The following RFTN1 variants were observed in gnomAD, a reference collection of about 807,000 sequenced individuals.
RFTN1 encodes raftlin, lipid raft linker 1.
RFTN1 carries 26 observed loss-of-function variants against 46.5 expected under a neutral mutation model. The observed-to-expected ratio is 0.56, with a 90% CI of 0.41 to 0.78. The LOEUF (loss-of-function observed/expected upper bound fraction) is 0.78. Among genes scored for constraint, RFTN1 ranks in the 30% least tolerant of loss-of-function variants. The pLI is 0.00. For missense variants in RFTN1, 693 were observed against 718.7 expected, an observed-to-expected ratio of 0.96 and a Z score of 0.41; for synonymous variants, 261 against 284.2, an observed-to-expected ratio of 0.92 and a Z score of 0.82.
Position 16,482,651 on chromosome 3 carries a change from CA to C in RFTN1, c.145+11073del, listed in dbSNP as rs991657031. The stretch of plus-strand genomic sequence containing the variant: ...AGCCTTGTTTCCTCATTTGTAAAAT[CA>C]AGATCTCTATAAGGATTAATTGACA... On this transcript the variant is annotated intron_variant, in intron 2 of 9. Transcript: ENST00000334133. 1.1e-5 allele frequency: 12 copies of C among 1,085,438 alleles called. No homozygotes were observed. The African/African-American group carries it at 1.6e-4, about 14-fold the overall frequency. 67.2% of individuals were successfully genotyped at this position (1,085,438 alleles called of 1,614,324 possible).
intron 2 of RFTN1, among the ~76,000 whole-genome samples, chr3:16,469,816 GA>G (rs540613156): frequency 1.2e-3 from 182 of 152,338 alleles, no homozygotes; most frequent in African/African-American, 4.2e-3. Context: ...CCCAGGGGAA[GA>G]TAGGACAAAC....
intron 4 of RFTN1, among the ~76,000 whole-genome samples, chr3:16,391,875 T>TTTTG (rs2074353374): frequency 9.1e-5 from 2 of 22,094 alleles, no homozygotes; most frequent in South Asian, 7.5e-4. Flanking sequence ...TTTTGTTTTT[T>TTTTG]TTTTTTGTTT....
intron 6 of RFTN1, 33 bp from the exon 7 acceptor site, chr3:16,358,080 G>GT (rs1307630272): frequency 9.0e-7 from 1 of 1,111,876 alleles, no homozygotes; most frequent in Non-Finnish European, 1.4e-6. Flanking sequence ...GGGTGGGGGG[G>GT]GTCTGTAAAC....
In RFTN1 at chr3:16,467,587, G is replaced by A. The variant is rs530051036; in HGVS notation, c.145+26138C>T. On this transcript the variant is annotated intron_variant, in intron 2 of 9. Coordinates refer to ENST00000334133, the MANE Select transcript of RFTN1 (RefSeq NM_015150.2). The stretch of plus-strand genomic sequence containing the variant: ...AAGAGAGTGGGCAGGGCCTGAGCCC[G>A]GGGAATGCCCAGGGTTAAGGGGAAG... Among the ~76,000 whole-genome samples, 71 of 152,336 alleles carry A rather than the reference G, an allele frequency of 4.7e-4. 2 individuals carry two copies. The East Asian group carries it at 6.7e-3, about 14-fold the overall frequency.
At chr3:16,391,294 A>G (rs1404808213) in intron 4 of RFTN1, among the ~76,000 whole-genome samples, 2 of 152,246 alleles carry the variant, frequency 1.3e-5, no homozygotes, top group African/African-American at 2.4e-5. Flanking sequence ...TGCTAAATTT[A>G]TAATAATGAA....
rs2074887341 is a variant in RFTN1 at position 16,407,515 on chromosome 3, C to T, written c.441+1860G>A. 1.3e-5 allele frequency among the ~76,000 whole-genome samples: 2 copies of T among 152,156 alleles called. No individual in the cohort carries two copies. The highest frequency in any genetic ancestry group is 6.5e-5 in the Admixed American group (1 of 15,268). On this transcript the variant is annotated intron_variant, in intron 4 of 9. Transcript: ENST00000334133. This position sits in a 1 kb window ranked among gnomAD's most constrained non-coding sequence, Gnocchi z 4.0. The stretch of plus-strand genomic sequence containing the variant: ...CCTCAAATCACATGTTTTTAAAAAG[C>T]ATATTTGAGAGTGGGCAGAGCCTTA...
rs11923948 is a variant in RFTN1 at position 16,336,675 on chromosome 3, T to G, written c.1147-9799A>C. Among the ~76,000 whole-genome samples the G allele has an allele frequency of 6.6e-6, 1 of 151,660 alleles. No homozygotes were observed. The highest frequency in any genetic ancestry group is 1.5e-5 in the Non-Finnish European group (1 of 67,896). ...TTCAAAGAGAATAATTTTTTTTTTTTAAAAAAGCTTAGTTCTTAGATGCAG... is the reference window on the plus strand; with the variant it reads ...TTCAAAGAGAATAATTTTTTTTTTTGAAAAAAGCTTAGTTCTTAGATGCAG... On this transcript the variant is annotated intron_variant, in intron 7 of 9. Coordinates refer to ENST00000334133, the MANE Select transcript of RFTN1 (RefSeq NM_015150.2). The surrounding 1 kb of genome is among the most constrained non-coding windows in gnomAD (Gnocchi z 6.0).
At chr3:16,477,979 G>C (rs2076309563) in intron 2 of RFTN1, among the ~76,000 whole-genome samples, 1 of 152,168 alleles carries the variant, frequency 6.6e-6, no homozygotes, top group South Asian at 2.1e-4. Context: ...TCAAAGAAAT[G>C]ACAAAAATGG....
Position 16,387,542 on chromosome 3 carries a change from G to T in RFTN1, c.442-9440C>A, listed in dbSNP as rs1043537449. On this transcript the variant is annotated intron_variant, in intron 4 of 9. Transcript: ENST00000334133. This position sits in a 1 kb window ranked among gnomAD's most constrained non-coding sequence, Gnocchi z 5.2. ...CCCTGGAAGACCCAGCTCTACTTAG[G>T]ACCACTTCTCTCTTCTATATCCTCA... 1.2e-4 allele frequency among the ~76,000 whole-genome samples: 16 copies of T among 128,248 alleles called. No homozygotes were observed. Among genetic ancestry groups the T allele is most frequent in the African/African-American group, 5.2e-4 (16 of 30,960 alleles). 84.1% of individuals were successfully genotyped at this position (128,248 alleles called of 152,430 possible). A position where few individuals can be genotyped will look rare whatever the true frequency, so the allele number is the denominator to read the frequency against.
chr3:16,401,867 C>G (rs936533644), intron 4 of RFTN1, among the ~76,000 whole-genome samples: 1 of 152,228 alleles, frequency 6.6e-6, no homozygotes, highest in East Asian at 1.9e-4. Flanking sequence ...CATATTTCCA[C>G]CAGGCATCAG....
At chr3:16,415,428 T>TACACACACACACACACACACACACAC (rs1198664714) in intron 3 of RFTN1, among the ~76,000 whole-genome samples, 1 of 89,884 alleles carries the variant, frequency 1.1e-5, no homozygotes, top group Non-Finnish European at 2.9e-5. Context: ...TATATATATA[T>TACACACACACACACACACACACACAC]ATACACACAC....
At chr3:16,325,855 A>T (rs750444507) in intron 8 of RFTN1, among the ~76,000 whole-genome samples, 5 of 152,220 alleles carry the variant, frequency 3.3e-5, no homozygotes, top group Non-Finnish European at 5.9e-5. Flanking sequence ...CATGCTGTCC[A>T]TCACTCTGCA....
chr3:16,375,156 C>T (rs1231142424), intron 5 of RFTN1, among the ~76,000 whole-genome samples: 1 of 152,024 alleles, frequency 6.6e-6, no homozygotes, highest in East Asian at 1.9e-4. Flanking sequence ...TTAGGGGGCT[C>T]TGAGAGAAGG....
chr3:16,446,802 G>C lies in RFTN1; in HGVS notation c.146-12765C>G, dbSNP rs1468607038. The stretch of plus-strand genomic sequence containing the variant: ...TGAGTTTGGCATCTACACAGGAAAC[G>C]AGGTCATTTCTTTTTCTCCTGAGTT... On this transcript the variant is annotated intron_variant, in intron 2 of 9. Transcript: ENST00000334133. The surrounding 1 kb of genome is among the most constrained non-coding windows in gnomAD (Gnocchi z 4.5). Among the ~76,000 whole-genome samples the C allele has an allele frequency of 2.0e-5, 3 of 152,152 alleles. No individual in the cohort carries two copies. The highest frequency in any genetic ancestry group is 7.2e-5 in the African/African-American group (3 of 41,440).
rs1217998606 is a variant in RFTN1 at position 16,387,358 on chromosome 3, C to G, written c.442-9256G>C. Reference sequence around the variant, plus strand: ...TCTGCTGGGTCCCACCCTCTCCCCACTTTCCCACCACCTCCAGAGATGACT... The same window carrying G: ...TCTGCTGGGTCCCACCCTCTCCCCAGTTTCCCACCACCTCCAGAGATGACT... On this transcript the variant is annotated intron_variant, in intron 4 of 9. Coordinates refer to ENST00000334133, the MANE Select transcript of RFTN1 (RefSeq NM_015150.2). This position sits in a 1 kb window ranked among gnomAD's most constrained non-coding sequence, Gnocchi z 5.2. Among the ~76,000 whole-genome samples, 1 of 152,216 alleles carries G rather than the reference C, an allele frequency of 6.6e-6. No individual in the cohort carries two copies. Among genetic ancestry groups the G allele is most frequent in the Admixed American group, 6.5e-5 (1 of 15,288 alleles).
Position 16,387,748 on chromosome 3 carries a change from TCA to T in RFTN1, c.442-9648_442-9647del, listed in dbSNP as rs937971728. ...CCCGCCTCACCGACTCCACCTCCAC[TCA>T]CTCTCTAGCTTCTGTACTGCCTCCT... On this transcript the variant is annotated intron_variant, in intron 4 of 9. Coordinates refer to ENST00000334133, the MANE Select transcript of RFTN1 (RefSeq NM_015150.2). The surrounding 1 kb of genome is among the most constrained non-coding windows in gnomAD (Gnocchi z 5.2). 1.3e-5 allele frequency among the ~76,000 whole-genome samples: 2 copies of T among 151,820 alleles called. No homozygotes were observed. Among genetic ancestry groups the T allele is most frequent in the Non-Finnish European group, 2.9e-5 (2 of 67,962 alleles).
intron 4 of RFTN1, among the ~76,000 whole-genome samples, chr3:16,408,805 G>C (rs2074920728): frequency 6.7e-6 from 1 of 149,914 alleles, no homozygotes; most frequent in African/African-American, 2.4e-5. Flanking sequence ...AACAAGATAA[G>C]CATCAAGCAG....
At position 16,418,675 on chromosome 3, in the gene RFTN1, TTA is replaced by T. The variant is rs1163942025; in HGVS notation, c.333-9194_333-9193del. ...GCTCAAATAGAATAATCAGAACAGC[TTA>T]TTTTTTTTTTTTTAAAGAAGTATTA... On this transcript the variant is annotated intron_variant, in intron 3 of 9. Transcript: ENST00000334133. The surrounding 1 kb of genome is among the most constrained non-coding windows in gnomAD (Gnocchi z 5.0). 7.7e-6 allele frequency among the ~76,000 whole-genome samples: 1 copy of T among 129,308 alleles called. No homozygotes were observed. The allele number at this position is 129,308 out of a possible 152,430, so 84.8% of individuals were successfully genotyped here. A position where few individuals can be genotyped will look rare whatever the true frequency, so the allele number is the denominator to read the frequency against.
In RFTN1 at chr3:16,443,529, A is replaced by G. The variant is rs1213664446; in HGVS notation, c.146-9492T>C. Among the ~76,000 whole-genome samples, 1 of 152,146 alleles carries G rather than the reference A, an allele frequency of 6.6e-6. No homozygotes were observed. The highest frequency in any genetic ancestry group is 1.5e-5 in the Non-Finnish European group (1 of 68,018). ...AGGGGAATCTCAGTAAGACTAAAAG[A>G]ACTTCTTTAAGCTTATATAAACCTA... is the stretch of plus-strand genomic sequence containing the variant. On this transcript the variant is annotated intron_variant, in intron 2 of 9. Coordinates refer to ENST00000334133, the MANE Select transcript of RFTN1 (RefSeq NM_015150.2). The surrounding 1 kb of genome is among the most constrained non-coding windows in gnomAD (Gnocchi z 5.5).
Sources: gnomAD v4.1 joint callset for allele counts (sites outside exome capture counted in the v4.1 genomes callset) on GRCh38, gnomAD v4.1.1 for gene constraint, Gnocchi (gnomAD v3.1) non-coding constraint, MANE v1.5 for transcripts, NCBI Gene and HGNC (gene_info 2026-07-23, HGNC 2026-07-21) for gene names.